The following JADE3 variants were observed in gnomAD, a reference collection of about 807,000 sequenced individuals.
JADE3 encodes the protein jade family PHD finger 3.
A neutral mutation model predicts 50.1 loss-of-function variants in JADE3; 2 were observed. The observed-to-expected ratio is 0.04, with a 90% confidence interval of 0.02 to 0.13. The LOEUF (loss-of-function observed/expected upper bound fraction) is 0.13, where lower values mean the gene tolerates loss of function less well. JADE3 is among the 10% of genes least tolerant of loss of function. The pLI is 1.00. For synonymous variants in JADE3, 218 were observed against 232.9 expected, an observed-to-expected ratio of 0.94 and a Z score of 0.58; for missense variants, 475 against 634.4, an observed-to-expected ratio of 0.75 and a Z score of 2.70.
At chrX:47,015,028 G>A (rs996674460) in intron 4 of JADE3, among the ~76,000 whole-genome samples, 1 of 112,212 alleles carries the variant, frequency 8.9e-6, no homozygotes, top group South Asian at 3.6e-4. Context: ...TTTAAAAATT[G>A]TAAGTCAGAG....
chrX:46,926,228 CT>C (rs1556338866), intron 1 of JADE3, among the ~76,000 whole-genome samples: 1 of 104,954 alleles, frequency 9.5e-6, no homozygotes, highest in Non-Finnish European at 1.9e-5. Context: ...GTAGGTTGGA[CT>C]TTTTTGGGGT....
Position 47,058,270 on chromosome X carries a change from C to G in JADE3, c.1665C>G (p.Asn555Lys). Residue 555 changes from asparagine (N) to lysine (K), a missense_variant, in exon 11 of 11, where the codon AAC becomes AAG. By Grantham distance (94) the Asn-to-Lys change is moderately conservative. Coordinates refer to ENST00000614628, the MANE Select transcript of JADE3 (RefSeq NM_014735.5). ...MPKSTPEDHR[N>K]SSTETDQQPH... ...AATCAACCCCAGAAGACCACAGAAA[C>G]AGCTCCACAGAAACCGATCAGCAGC... The G allele has an allele frequency of 8.3e-7, 1 of 1,210,789 alleles. No individual in the cohort carries two copies. Among genetic ancestry groups the G allele is most frequent in the African/African-American group, 1.7e-5 (1 of 57,536 alleles).
At chrX:46,991,634 A>G (rs1556356007) in intron 3 of JADE3, among the ~76,000 whole-genome samples, 1 of 111,858 alleles carries the variant, frequency 8.9e-6, no homozygotes, top group African/African-American at 3.3e-5. Context: ...TTAAAGAACT[A>G]CGAGTCTGTT....
intron 8 of JADE3, among the ~76,000 whole-genome samples, chrX:47,052,657 A>C (rs1233793797): frequency 2.8e-5 from 3 of 107,510 alleles, no homozygotes; most frequent in Non-Finnish European, 5.8e-5. Context: ...AAAAAAAAAA[A>C]AACTTTCCAC....
rs782010330 is a variant in JADE3 at position 47,006,527 on chromosome X, C to T, written c.284+8250C>T. Among the ~76,000 whole-genome samples, 531 of 105,292 alleles carry T rather than the reference C, an allele frequency of 5.0e-3. 1 individual carries two copies. Among genetic ancestry groups the T allele is most frequent in the South Asian group, 0.013 (28 of 2,233 alleles). 91.4% of individuals were successfully genotyped at this position (105,292 alleles called of 115,157 possible). A position where few individuals can be genotyped will look rare whatever the true frequency, so the allele number is the denominator to read the frequency against. Reference sequence around the variant, plus strand: ...GTTGCCCAGGCTGGTCTTGAACTCCCGGGCTCAAGCAATCCGACCACCTCG... The same window carrying T: ...GTTGCCCAGGCTGGTCTTGAACTCCTGGGCTCAAGCAATCCGACCACCTCG... On this transcript the variant is annotated intron_variant, in intron 4 of 10. Coordinates refer to ENST00000614628, the MANE Select transcript of JADE3 (RefSeq NM_014735.5).
chrX:46,970,452 C>T (rs782227951), intron 1 of JADE3, among the ~76,000 whole-genome samples: 1 of 111,832 alleles, frequency 8.9e-6, no homozygotes, highest in Non-Finnish European at 1.9e-5. Flanking sequence ...AACTCAAACC[C>T]CCCTCTAATT....
intron 1 of JADE3, among the ~76,000 whole-genome samples, chrX:46,927,242 G>A (rs1183476786): frequency 8.9e-6 from 1 of 112,126 alleles, no homozygotes; most frequent in Non-Finnish European, 1.9e-5. Context: ...GACATATTAA[G>A]GATAAAATGC....
Position 47,058,803 on chromosome X carries a change from A to G in JADE3, c.2198A>G (p.Tyr733Cys), listed in dbSNP as rs782596388. ...WVKNTEDLQC[Y>C]VKPTKNMSPK... ...AAGAACACAGAGGACCTCCAGTGCT[A>G]TGTGAAGCCAACCAAGAATATGAGC... is the stretch of plus-strand genomic sequence containing the variant. The change falls in exon 11 of 11, where the codon TAT becomes TGT. Residue 733 changes from tyrosine to cysteine, a missense_variant. Physicochemically the swap from Tyr to Cys is radical, Grantham distance 194 (BLOSUM62 -2). Around this residue, in one of 6 missense-constraint regions of JADE3, gnomAD observed 243 missense variants for 238.2 expected, o/e 1.02. Coordinates refer to ENST00000614628, the MANE Select transcript of JADE3 (RefSeq NM_014735.5). The G allele has an allele frequency of 4.0e-5, 48 of 1,207,920 alleles. No homozygotes were observed. The highest frequency in any genetic ancestry group is 5.4e-5 in the Non-Finnish European group (48 of 893,501).
Position 47,058,302 on chromosome X carries a change from C to T in JADE3, c.1697C>T (p.Ser566Phe). The T allele has an allele frequency of 8.3e-7, 1 of 1,211,169 alleles. No homozygotes were observed. The highest frequency in any genetic ancestry group is 1.8e-5 in the South Asian group (1 of 56,922). Residue 566 changes from serine (S) to phenylalanine (F), a missense_variant, in exon 11 of 11, where the codon TCT becomes TTT. Physicochemically the swap from Ser to Phe is radical, Grantham distance 155. Coordinates refer to ENST00000614628, the MANE Select transcript of JADE3 (RefSeq NM_014735.5). ...ACAGAAACCGATCAGCAGCCCCACT[C>T]TCCTGACAGCAGCTCATCTGTTCAC... The part of the protein sequence containing the change: ...SSTETDQQPH[S>F]PDSSSSVHSI...
rs1556367260 is a variant in JADE3 at position 47,033,695 on chromosome X, A to G, written c.762A>G (p.Gln254=). 8.3e-7 allele frequency: 1 copy of G among 1,205,309 alleles called. No individual in the cohort carries two copies. Among genetic ancestry groups the G allele is most frequent in the Non-Finnish European group, 1.1e-6 (1 of 892,224 alleles). ...CCTGTGTCCTGGGCATTTATCCGCA[A>G]TGTGTGTTATGTCCAAAGAAAGGTG... ...CRSCVLGIYP[Q]CVLCPKKGGA... The change falls in exon 7 of 11, where the codon CAA becomes CAG. Residue 254 remains glutamine, a synonymous_variant. Transcript: ENST00000614628.
chrX:47,033,856 C>A, intron 7 of JADE3, 68 bp downstream of exon 7: 1 of 911,241 alleles, frequency 1.1e-6, no homozygotes, highest in Non-Finnish European at 1.5e-6. Context: ...AGCATTCAGA[C>A]TGACTCAGGC....
At chrX:47,056,870 A>G (rs1556373490) in intron 10 of JADE3, among the ~76,000 whole-genome samples, 2 of 112,081 alleles carry the variant, frequency 1.8e-5, no homozygotes, top group Non-Finnish European at 3.8e-5. Flanking sequence ...GGTCAATGGC[A>G]GAGCCTGGGC....
chrX:47,011,893 A>T (rs1342175194), intron 4 of JADE3, among the ~76,000 whole-genome samples: 1 of 112,128 alleles, frequency 8.9e-6, no homozygotes, highest in Non-Finnish European at 1.9e-5. Flanking sequence ...CAGAAAACAC[A>T]AGATTTTATC....
intron 1 of JADE3, among the ~76,000 whole-genome samples, chrX:46,933,255 G>A (rs782806899): frequency 5.4e-5 from 6 of 111,398 alleles, no homozygotes; most frequent in South Asian, 7.6e-4. Context: ...ACTGATTTGC[G>A]GTTGTCCAGA....
At chrX:46,953,428 T>C (rs973593553) in intron 1 of JADE3, among the ~76,000 whole-genome samples, 10 of 111,743 alleles carry the variant, frequency 8.9e-5, no homozygotes, top group Non-Finnish European at 1.5e-4. Flanking sequence ...CTTGATCGCC[T>C]GCTGTTATAT....
At chrX:46,952,725 C>T (rs1034053588) in intron 1 of JADE3, among the ~76,000 whole-genome samples, 1 of 112,110 alleles carries the variant, frequency 8.9e-6, no homozygotes, top group Non-Finnish European at 1.9e-5. Context: ...AGGCCAGGTG[C>T]GGTGGCTCAC....
At chrX:46,969,111 G>A (rs2147123612) in intron 1 of JADE3, among the ~76,000 whole-genome samples, 1 of 112,764 alleles carries the variant, frequency 8.9e-6, no homozygotes, top group East Asian at 2.8e-4. Flanking sequence ...TAGAATCAAA[G>A]TAGAAATCAA....
chrX:46,956,004 A>C (rs1484081159), intron 1 of JADE3, among the ~76,000 whole-genome samples: 5 of 111,713 alleles, frequency 4.5e-5, no homozygotes, highest in South Asian at 3.8e-4. Context: ...AAAATATTTA[A>C]AGCTATCTAT....
At chrX:47,016,119 C>CG (rs1928671409) in intron 4 of JADE3, among the ~76,000 whole-genome samples, 1 of 110,283 alleles carries the variant, frequency 9.1e-6, no homozygotes. Context: ...GTGGGGGCAG[C>CG]GGGGGTAGGC....
Sources: allele counts gnomAD v4.1 joint callset (sites outside exome capture counted in the v4.1 genomes callset), GRCh38; gene constraint gnomAD v4.1.1; regional missense constraint gnomAD v4.1.1; transcripts MANE v1.5; gene names NCBI Gene and HGNC (gene_info 2026-07-23, HGNC 2026-07-21).